The following TMEM266 variants were observed in gnomAD, a reference collection of about 807,000 sequenced individuals.
The protein encoded by TMEM266 is transmembrane protein 266.
Under a neutral mutation model 50.5 loss-of-function variants are expected in TMEM266, and 33 were observed. The observed-to-expected ratio is 0.65, with a 90% CI of 0.50 to 0.87. TMEM266 has a LOEUF of 0.87. TMEM266 is among the 40% of genes least tolerant of loss of function. The pLI, the probability that TMEM266 is intolerant of heterozygous loss-of-function variation, is 0.00. For synonymous variants in TMEM266, 310 were observed against 292.3 expected (o/e 1.06, Z -0.62); for missense variants, 655 against 695.1 (o/e 0.94, Z 0.65).
intron 9 of TMEM266, among the ~76,000 whole-genome samples, chr15:76,197,798 T>C (rs2038677206): frequency 6.6e-6 from 1 of 152,162 alleles, no homozygotes; most frequent in South Asian, 2.1e-4. Flanking sequence ...CCACAGTCCA[T>C]GCAGCCTGGC....
rs749093260 is a variant in TMEM266 at position 76,203,830 on chromosome 15, C to G, written c.1111C>G (p.Leu371Val). The G allele has an allele frequency of 1.2e-6, 2 of 1,614,256 alleles. No individual in the cohort carries two copies. Among genetic ancestry groups the G allele is most frequent in the Non-Finnish European group, 1.7e-6 (2 of 1,180,044 alleles). ...CAACATCTCCTCGGACCTCTTCTCT[C>G]TGGACATGCCCCTCAAACTCGGCGG... Residue 371 changes from leucine to valine, a missense_variant, in exon 11 of 11, where the codon CTG (leucine) becomes GTG (valine). Leu to Val is a conservative substitution (Grantham distance 32). This residue lies in a region of TMEM266 where 455 missense variants were observed against 401.8 expected (regional missense o/e 1.13). Coordinates refer to ENST00000388942, the MANE Select transcript of TMEM266 (RefSeq NM_152335.3).
At chr15:76,202,358 A>G (rs1217989447) in intron 10 of TMEM266, 94 bp downstream of exon 10, 3 of 1,114,352 alleles carry the variant, frequency 2.7e-6, no homozygotes, top group Non-Finnish European at 3.9e-6. Flanking sequence ...CATGCCCATC[A>G]CCTGGTGCCT....
intron 1 of TMEM266, among the ~76,000 whole-genome samples, chr15:76,082,797 T>C (rs2935987): frequency 0.82 from 124,973 of 152,032 alleles, 51,482 homozygotes; most frequent in Admixed American, 0.87. Context: ...GGTGAAACCC[T>C]GTCTCTACTA....
chr15:76,174,096 T>C (rs2038232094), intron 7 of TMEM266, among the ~76,000 whole-genome samples: 2 of 152,290 alleles, frequency 1.3e-5, no homozygotes, highest in South Asian at 2.1e-4. Context: ...AGCCACCTCA[T>C]GGTCCAAGAT....
chr15:76,088,116 A>G (rs934655689), intron 1 of TMEM266, among the ~76,000 whole-genome samples: 2 of 152,292 alleles, frequency 1.3e-5, no homozygotes, highest in Non-Finnish European at 2.9e-5. Flanking sequence ...CTTTCCCCAA[A>G]GTCCTGTCCT....
intron 1 of TMEM266, among the ~76,000 whole-genome samples, chr15:76,080,726 ACT>A (rs2036678779): frequency 6.6e-6 from 1 of 150,810 alleles, no homozygotes; most frequent in African/African-American, 2.4e-5. Flanking sequence ...CAGCTTTGTA[ACT>A]CTGTATGGAC....
At chr15:76,104,425 T>C (rs2037050432) in intron 1 of TMEM266, among the ~76,000 whole-genome samples, 1 of 152,176 alleles carries the variant, frequency 6.6e-6, no homozygotes, top group African/African-American at 2.4e-5. Flanking sequence ...TGTGCAGACA[T>C]AGAACATTTC....
intron 2 of TMEM266, among the ~76,000 whole-genome samples, chr15:76,136,878 G>T (rs1196953237): frequency 2.0e-5 from 3 of 152,164 alleles, no homozygotes; most frequent in Non-Finnish European, 4.4e-5. Context: ...GACCAACCGT[G>T]GTCATGGTGG....
chr15:76,182,830 C>G (rs1156463500), intron 8 of TMEM266, among the ~76,000 whole-genome samples: 2 of 152,082 alleles, frequency 1.3e-5, no homozygotes, highest in South Asian at 4.2e-4. Context: ...TTGGCCAGAT[C>G]CTGTAGTTTT....
At chr15:76,135,524 T>C (rs981863438) in intron 2 of TMEM266, among the ~76,000 whole-genome samples, 3 of 152,248 alleles carry the variant, frequency 2.0e-5, no homozygotes, top group Admixed American at 6.5e-5. Context: ...CAGTGATCCA[T>C]AGTTTCCTTG....
intron 9 of TMEM266, among the ~76,000 whole-genome samples, chr15:76,198,568 C>G (rs2038691198): frequency 1.3e-5 from 2 of 152,234 alleles, no homozygotes; most frequent in South Asian, 4.1e-4. Flanking sequence ...TGTGGTGACT[C>G]CATGGCTCCC....
chr15:76,202,327 C>T (rs747371314), intron 10 of TMEM266, 63 bp downstream of exon 10: 80 of 1,461,480 alleles, frequency 5.5e-5, no homozygotes, highest in Non-Finnish European at 7.4e-5. Context: ...AACCCAGAGA[C>T]AACTCGGCCT....
rs1028236383 is a variant in TMEM266, at chr15:76,139,644, A to T, written c.227+1749A>T. On this transcript the variant is annotated intron_variant, in intron 3 of 10. Transcript: ENST00000388942. This position sits in a 1 kb window ranked among gnomAD's most constrained non-coding sequence, Gnocchi z 4.1. ...CTGGTGGGTCCTTCTCTGAGCACCC[A>T]GCAAGTCACTGCGTCACTGCTCTCT... Among the ~76,000 whole-genome samples the T allele has an allele frequency of 1.3e-5, 2 of 152,242 alleles. No individual in the cohort carries two copies. Among genetic ancestry groups the T allele is most frequent in the Admixed American group, 1.3e-4 (2 of 15,286 alleles).
Position 76,139,261 on chromosome 15 carries a change from C to T in TMEM266, c.227+1366C>T, listed in dbSNP as rs544634728. 7.9e-5 allele frequency among the ~76,000 whole-genome samples: 12 copies of T among 152,270 alleles called. 1 individual carries two copies. The highest frequency in any genetic ancestry group is 2.9e-4 in the African/African-American group (12 of 41,550). On this transcript the variant is annotated intron_variant, in intron 3 of 10. Transcript: ENST00000388942. The surrounding 1 kb of genome is among the most constrained non-coding windows in gnomAD (Gnocchi z 4.1). ...GCCTAACAATGGTGAAACCACACACCTTTTTTTGCAGAAACTACACCCCAG... is the reference window on the plus strand; with the variant it reads ...GCCTAACAATGGTGAAACCACACACTTTTTTTTGCAGAAACTACACCCCAG...
intron 3 of TMEM266, among the ~76,000 whole-genome samples, 154 bp downstream of exon 3, chr15:76,138,049 C>T (rs2037618624): frequency 1.3e-5 from 2 of 151,996 alleles, no homozygotes; most frequent in Admixed American, 1.3e-4. Flanking sequence ...TGGTAAAACC[C>T]TGTCTCTACT....
At chr15:76,155,657 C>T (rs1449676613) in intron 3 of TMEM266, among the ~76,000 whole-genome samples, 1 of 152,158 alleles carries the variant, frequency 6.6e-6, no homozygotes, top group Non-Finnish European at 1.5e-5. Context: ...TAAAATGCCC[C>T]ACAGAGAAAA....
chr15:76,155,401 A>T (rs184893765), intron 3 of TMEM266, among the ~76,000 whole-genome samples: 2 of 152,240 alleles, frequency 1.3e-5, no homozygotes, highest in Admixed American at 1.3e-4. Context: ...GAGCCCACCC[A>T]GCTCAGATTC....
chr15:76,075,431 T>C (rs999056922), intron 1 of TMEM266, among the ~76,000 whole-genome samples: 2 of 152,122 alleles, frequency 1.3e-5, no homozygotes, highest in Admixed American at 6.5e-5. Context: ...TGTAAGTGAT[T>C]GGTTGTGTCT....
intron 9 of TMEM266, among the ~76,000 whole-genome samples, chr15:76,201,876 C>T (rs1487858222): frequency 6.6e-6 from 1 of 152,182 alleles, no homozygotes; most frequent in Non-Finnish European, 1.5e-5. Flanking sequence ...GCCATCCAGA[C>T]AAGGAAAAGC....
Sources: allele counts gnomAD v4.1 joint callset (sites outside exome capture counted in the v4.1 genomes callset), GRCh38; gene constraint gnomAD v4.1.1; regional missense constraint gnomAD v4.1.1; non-coding constraint Gnocchi (gnomAD v3.1); transcripts MANE v1.5; gene names NCBI Gene and HGNC (gene_info 2026-07-23, HGNC 2026-07-21).